ABCA9: variants seen among roughly 807,000 people sequenced by gnomAD.
The protein encoded by ABCA9 is ATP-binding cassette sub-family A member 9.
In ABCA9, 183 loss-of-function variants were observed where a neutral mutation model predicts 205.3. The observed-to-expected ratio is 0.89, with a 90% confidence interval of 0.79 to 1.01. The LOEUF (loss-of-function observed/expected upper bound fraction) is 1.01. Among genes scored for constraint, ABCA9 ranks in the 50% least tolerant of loss-of-function variants. The pLI, the probability that ABCA9 is intolerant of heterozygous loss-of-function variation, is 0.00. For synonymous variants in ABCA9, 651 were observed against 683.3 expected, an observed-to-expected ratio of 0.95 and a Z score of 0.74; for missense variants, 1,805 against 1,912.4, an observed-to-expected ratio of 0.94 and a Z score of 1.05.
At chr17:69,024,488 A>C (rs558023182) in intron 16 of ABCA9, 135 bp from the exon 17 acceptor site, 1 of 832,666 alleles carries the variant, frequency 1.2e-6, no homozygotes, top group Non-Finnish European at 1.8e-6. Flanking sequence ...GGACAAAGTA[A>C]GATGTAAAAC....
intron 9 of ABCA9, chr17:69,033,324 G>GAAAAAC (rs1567960119): frequency 1.4e-4 from 15 of 111,008 alleles, no homozygotes; most frequent in Admixed American, 3.0e-4. Context: ...AAAAAAAAAG[G>GAAAAAC]AAAGAAAGAA....
rs374287358 is a variant in ABCA9 at position 68,986,311 on chromosome 17, C to G, written c.4061G>C (p.Gly1354Ala). The G allele has an allele frequency of 1.9e-6, 3 of 1,607,634 alleles. No homozygotes were observed. In the African/African-American group the frequency reaches 4.0e-5, roughly 22 times the overall value. ...KPTAGQVILK[G>A]SGGGEPLGFL... ...GCCCAGGGGTTCCCCTCCACCGCTC[C>G]CTTTCAAAATCACCTATGCAAAATA... is the stretch of plus-strand genomic sequence containing the variant. The change falls in exon 32 of 39, where the codon GGG becomes GCG. Residue 1354 changes from glycine to alanine, a missense_variant. Coordinates refer to ENST00000340001, the MANE Select transcript of ABCA9 (RefSeq NM_080283.4).
rs771346191 is a variant in ABCA9, at chr17:68,975,913, C to T, written c.*2G>A. 7.5e-6 allele frequency: 12 copies of T among 1,608,498 alleles called. No individual in the cohort carries two copies. In the Admixed American group the frequency reaches 1.8e-4, roughly 25 times the overall value. On this transcript the variant is annotated 3_prime_UTR_variant, in exon 39 of 39. Coordinates refer to ENST00000340001, the MANE Select transcript of ABCA9 (RefSeq NM_080283.4). Reference sequence around the variant, plus strand: ...AAAGAAAGATATAGGGTATTTGGAGCTTTAAGGCTCTTCCTGCAGGAGGAG... The same window carrying T: ...AAAGAAAGATATAGGGTATTTGGAGTTTTAAGGCTCTTCCTGCAGGAGGAG...
intron 25 of ABCA9, among the ~76,000 whole-genome samples, chr17:68,996,688 A>C (rs763058284): frequency 2.6e-5 from 4 of 152,244 alleles, no homozygotes; most frequent in Non-Finnish European, 4.4e-5. Flanking sequence ...TATTTATTGT[A>C]GGCATCGTTG....
intron 37 of ABCA9, 23 bp downstream of exon 37, chr17:68,982,539 T>C: frequency 6.3e-7 from 1 of 1,586,022 alleles, no homozygotes; most frequent in Non-Finnish European, 8.7e-7. Flanking sequence ...CCCAGAGTTT[T>C]GTCTCTAAAC....
the ABCA9 span, among the ~76,000 whole-genome samples, chr17:69,075,207 GT>G: frequency 6.6e-6 from 1 of 152,096 alleles, no homozygotes; most frequent in African/African-American, 2.4e-5. Context: ...TATTTACTCT[GT>G]TGATAGTTTC....
intron 7 of ABCA9, 80 bp downstream of exon 7, chr17:69,035,580 A>C: frequency 3.9e-6 from 6 of 1,544,286 alleles, no homozygotes; most frequent in Non-Finnish European, 5.3e-6. Context: ...AAAAGAGGTG[A>C]GACCAGAATT....
At chr17:69,016,590 C>G (rs1276047618) in intron 21 of ABCA9, among the ~76,000 whole-genome samples, 200 bp from the exon 22 acceptor site, 1 of 152,038 alleles carries the variant, frequency 6.6e-6, no homozygotes, top group Admixed American at 6.6e-5. Flanking sequence ...TTTCTACCCA[C>G]CATAACATCA....
chr17:69,051,819 A>G (rs2071909111), intron 1 of ABCA9: 1 of 152,234 alleles, frequency 6.6e-6, no homozygotes, highest in Non-Finnish European at 1.5e-5. Context: ...AATATCATTG[A>G]TATCAATTCA....
At chr17:69,077,794 G>T in the ABCA9 span, among the ~76,000 whole-genome samples, 1 of 151,648 alleles carries the variant, frequency 6.6e-6, no homozygotes, top group Non-Finnish European at 1.5e-5. Flanking sequence ...AATACTGCTT[G>T]GTCTTTGAAT....
intron 1 of ABCA9, 148 bp from the exon 2 acceptor site, chr17:69,051,287 G>A (rs8067578): frequency 0.34 from 200,744 of 596,484 alleles, 36,973 homozygotes; most frequent in East Asian, 0.66. Context: ...ATAAAAACAT[G>A]TGAGGAAATG....
intron 1 of ABCA9, among the ~76,000 whole-genome samples, chr17:69,054,536 AAAAAG>A (rs1428027257): frequency 6.6e-6 from 1 of 151,682 alleles, no homozygotes; most frequent in African/African-American, 2.4e-5. Context: ...CAAAAAAAAA[AAAAAG>A]AAAAGAAAAG....
rs138456095 is a variant in ABCA9 at position 69,033,857 on chromosome 17, T to C, written c.1145A>G (p.Tyr382Cys). 2.6e-5 allele frequency: 41 copies of C among 1,601,774 alleles called. No homozygotes were observed. In the East Asian group the frequency reaches 8.3e-4, roughly 32 times the overall value. ...VGMAQLIHLDYDVNSNAHLDS... is the reference protein window; with the variant it reads ...VGMAQLIHLDCDVNSNAHLDS... ...CAAGTGGGCATTAGAATTCACATCA[T>C]AGTCCAAATGTATAAGCTGAAAAAG... The change falls in exon 9 of 39, where the codon TAT (tyrosine) becomes TGT (cysteine). Residue 382 changes from tyrosine to cysteine, a missense_variant. Transcript: ENST00000340001.
chr17:68,990,283 A>G (rs2069405687), intron 29 of ABCA9, among the ~76,000 whole-genome samples: 1 of 152,248 alleles, frequency 6.6e-6, no homozygotes, highest in African/African-American at 2.4e-5. Context: ...GTTATAAAAC[A>G]CAAAATCTTA....
intron 8 of ABCA9, 95 bp downstream of exon 8, chr17:69,035,150 AT>A: frequency 9.3e-7 from 1 of 1,071,054 alleles, no homozygotes; most frequent in Non-Finnish European, 1.2e-6. Context: ...TACAAAAGTT[AT>A]AGAATGGAAT....
At chr17:69,056,422 G>A (rs948956867) in intron 1 of ABCA9, among the ~76,000 whole-genome samples, 2 of 152,110 alleles carry the variant, frequency 1.3e-5, no homozygotes, top group South Asian at 2.1e-4. Context: ...TAGATGAAAC[G>A]AATCAGTTCC....
chr17:69,075,996 T>C, the ABCA9 span, among the ~76,000 whole-genome samples: 2 of 152,120 alleles, frequency 1.3e-5, no homozygotes, highest in Non-Finnish European at 2.9e-5. Flanking sequence ...GGCCATCTAT[T>C]TGGATACTTT....
At chr17:69,014,027 C>T (rs1366021989) in intron 22 of ABCA9, among the ~76,000 whole-genome samples, 1 of 152,112 alleles carries the variant, frequency 6.6e-6, no homozygotes, top group Non-Finnish European at 1.5e-5. Context: ...GTCACTTGCT[C>T]ATTCTTGGGA....
intron 10 of ABCA9, among the ~76,000 whole-genome samples, chr17:69,029,868 A>T (rs921014652): frequency 1.2e-4 from 18 of 152,214 alleles, no homozygotes; most frequent in Non-Finnish European, 2.4e-4. Flanking sequence ...AAAATGATTT[A>T]AAACAAAGAA....
Sources: allele counts gnomAD v4.1 joint callset (sites outside exome capture counted in the v4.1 genomes callset), GRCh38; gene constraint gnomAD v4.1.1; transcripts MANE v1.5; gene names NCBI Gene and HGNC (gene_info 2026-07-23, HGNC 2026-07-21).